ITGB3: variants seen among roughly 807,000 people sequenced by gnomAD.
ITGB3 encodes integrin subunit beta 3, also known as integrin beta-3.
In ITGB3, 48 loss-of-function variants were observed where a neutral mutation model predicts 85.8. That is an observed-to-expected ratio of 0.56 (90% CI 0.44 to 0.71). The LOEUF is 0.71. ITGB3 is among the 30% of genes least tolerant of loss of function. ITGB3 has a pLI of 0.00. For missense variants in ITGB3, 861 were observed against 1,019.1 expected, an observed-to-expected ratio of 0.84 and a Z score of 2.11; for synonymous variants, 363 against 395.6, an observed-to-expected ratio of 0.92 and a Z score of 0.98.
intron 1 of ITGB3, among the ~76,000 whole-genome samples, chr17:47,257,713 A>G (rs1015584088): frequency 6.6e-6 from 1 of 152,236 alleles, no homozygotes; most frequent in Non-Finnish European, 1.5e-5. Flanking sequence ...GCACTGTTGC[A>G]CCATTTAGAC....
At chr17:47,268,505 A>T (rs1487074247) in intron 1 of ITGB3, among the ~76,000 whole-genome samples, 1 of 152,204 alleles carries the variant, frequency 6.6e-6, no homozygotes, top group Non-Finnish European at 1.5e-5. Context: ...GGCCAAAACA[A>T]ACAGGCTACT....
At chr17:47,258,258 A>G (rs2064997151) in intron 1 of ITGB3, among the ~76,000 whole-genome samples, 1 of 151,994 alleles carries the variant, frequency 6.6e-6, no homozygotes. Context: ...ATTGTGCCTG[A>G]TGGAGCTCAG....
At chr17:47,296,885 C>T (rs1215938484) in intron 10 of ITGB3, among the ~76,000 whole-genome samples, 4 of 152,178 alleles carry the variant, frequency 2.6e-5, no homozygotes, top group African/African-American at 9.7e-5. Context: ...TATCTAGAGA[C>T]AGGACCAGGC....
At chr17:47,309,845 G>A (rs960981972) in intron 14 of ITGB3, among the ~76,000 whole-genome samples, 6 of 148,328 alleles carry the variant, frequency 4.0e-5, no homozygotes, top group East Asian at 2.0e-4. Flanking sequence ...TCAGTAAGCC[G>A]AGATTGTGCC....
chr17:47,299,180 C>G lies in ITGB3; in HGVS notation c.1691-128C>G. Reference sequence around the variant, plus strand: ...GGTAGGACTCCCCTGGGTGGTGAGCCAATTCCCTGCCAACCTGGAGGATCA... The same window carrying G: ...GGTAGGACTCCCCTGGGTGGTGAGCGAATTCCCTGCCAACCTGGAGGATCA... On this transcript the variant is annotated intron_variant, in intron 10 of 14. Transcript: ENST00000559488. The surrounding 1 kb of genome is among the most constrained non-coding windows in gnomAD (Gnocchi z 5.1). The G allele has an allele frequency of 1.1e-6, 1 of 932,180 alleles. No homozygotes were observed. The highest frequency in any genetic ancestry group is 2.6e-5 in the East Asian group (1 of 38,718). The allele number at this position is 932,180 out of a possible 1,614,324, so 57.7% of individuals were successfully genotyped here. A position where few individuals can be genotyped will look rare whatever the true frequency, so the allele number is the denominator to read the frequency against.
At chr17:47,264,131 C>T (rs1381104648) in intron 1 of ITGB3, among the ~76,000 whole-genome samples, 1 of 152,210 alleles carries the variant, frequency 6.6e-6, no homozygotes, top group Non-Finnish European at 1.5e-5. Flanking sequence ...GTCAAGGCAG[C>T]AGAGCCCTGA....
chr17:47,276,244 G>C (rs1325155257), intron 2 of ITGB3, among the ~76,000 whole-genome samples: 1 of 152,194 alleles, frequency 6.6e-6, no homozygotes, highest in African/African-American at 2.4e-5. Context: ...TGGAGGGTCT[G>C]TCCTGCTCCC....
chr17:47,260,189 C>T (rs556549125), intron 1 of ITGB3, among the ~76,000 whole-genome samples: 6 of 152,234 alleles, frequency 3.9e-5, no homozygotes, highest in Non-Finnish European at 7.4e-5. Context: ...AACCTACATT[C>T]GATTCACAGT....
intron 2 of ITGB3, among the ~76,000 whole-genome samples, chr17:47,282,477 T>C (rs1376783325): frequency 2.6e-5 from 4 of 152,232 alleles, no homozygotes; most frequent in Non-Finnish European, 4.4e-5. Flanking sequence ...GGACTGTTAT[T>C]ATGTTCGTGT....
At chr17:47,295,347 C>T (rs530129658) in intron 10 of ITGB3, among the ~76,000 whole-genome samples, 55 of 152,166 alleles carry the variant, frequency 3.6e-4, no homozygotes, top group African/African-American at 1.3e-3. Context: ...CTGTGGGGCT[C>T]GTGTTCCCAA....
At chr17:47,280,864 T>C (rs543961447) in intron 2 of ITGB3, among the ~76,000 whole-genome samples, 2 of 152,300 alleles carry the variant, frequency 1.3e-5, no homozygotes, top group South Asian at 4.1e-4. Context: ...ACACTTTTCC[T>C]TTTCCGTGCC....
intron 2 of ITGB3, among the ~76,000 whole-genome samples, chr17:47,281,179 A>G (rs1022989504): frequency 5.3e-5 from 8 of 152,222 alleles, no homozygotes; most frequent in African/African-American, 1.9e-4. Flanking sequence ...AGTGTTCAAT[A>G]AATGTCAACA....
Position 47,299,575 on chromosome 17 carries a change from G to T in ITGB3, c.1913+45G>T. On this transcript the variant is annotated intron_variant, in intron 11 of 14. Transcript: ENST00000559488. The surrounding 1 kb of genome is among the most constrained non-coding windows in gnomAD (Gnocchi z 5.1). ...AGAGCCGGGAGGCTGGGAGGTAGGA[G>T]AGGATCCCCTGACTAGAATCCCCAG... 6.4e-7 allele frequency: 1 copy of T among 1,558,408 alleles called. No homozygotes were observed. The highest frequency in any genetic ancestry group is 8.8e-7 in the Non-Finnish European group (1 of 1,133,380).
intron 1 of ITGB3, 26 bp from the exon 2 acceptor site, chr17:47,274,393 C>A (rs1014447426): frequency 1.2e-6 from 2 of 1,606,634 alleles, no homozygotes; most frequent in African/African-American, 2.7e-5. Flanking sequence ...AAATCTGGTG[C>A]TAATGCCTTT....
At chr17:47,294,476 C>G (rs2065138560) in intron 10 of ITGB3, among the ~76,000 whole-genome samples, 1 of 152,236 alleles carries the variant, frequency 6.6e-6, no homozygotes, top group Admixed American at 6.5e-5. Context: ...CAAAACAAAG[C>G]TGACTGGGTC....
At chr17:47,283,866 C>T (rs1470540870) in intron 3 of ITGB3, among the ~76,000 whole-genome samples, 1 of 152,148 alleles carries the variant, frequency 6.6e-6, no homozygotes. Flanking sequence ...TTTTACCTAG[C>T]TTAGAGCTTT....
At chr17:47,281,076 T>C (rs975278485) in intron 2 of ITGB3, among the ~76,000 whole-genome samples, 1 of 152,224 alleles carries the variant, frequency 6.6e-6, no homozygotes, top group Non-Finnish European at 1.5e-5. Context: ...GGTTTCTCCC[T>C]TGTAAAATTA....
At chr17:47,270,284 A>G (rs886790987) in intron 1 of ITGB3, among the ~76,000 whole-genome samples, 2 of 152,080 alleles carry the variant, frequency 1.3e-5, no homozygotes, top group Non-Finnish European at 2.9e-5. Context: ...GTCTCTTGTG[A>G]ATATCAATGG....
At chr17:47,290,396 G>A (rs1196870070) in intron 8 of ITGB3, 122 bp downstream of exon 8, 1 of 853,658 alleles carries the variant, frequency 1.2e-6, no homozygotes, top group Non-Finnish European at 2.0e-6. Context: ...CCTTCTCCGT[G>A]TGCTCCCAGA....
Sources: allele counts gnomAD v4.1 joint callset (sites outside exome capture counted in the v4.1 genomes callset), GRCh38; gene constraint gnomAD v4.1.1; non-coding constraint Gnocchi (gnomAD v3.1); transcripts MANE v1.5; gene names NCBI Gene and HGNC (gene_info 2026-07-23, HGNC 2026-07-21).